The following MECOM variants were observed in gnomAD, a reference collection of about 807,000 sequenced individuals.
The protein encoded by MECOM is MDS1 and EVI1 complex locus.
MECOM carries 13 observed loss-of-function variants against 116.3 expected under a neutral mutation model. The observed-to-expected ratio is 0.11, with a 90% CI of 0.07 to 0.18. The LOEUF (loss-of-function observed/expected upper bound fraction) is 0.18. Among genes scored for constraint, MECOM ranks in the 10% least tolerant of loss-of-function variants. MECOM has a pLI of 1.00. For missense variants in MECOM, 1,299 were observed against 1,509.0 expected, an observed-to-expected ratio of 0.86 and a Z score of 2.31; for synonymous variants, 528 against 535.2, an observed-to-expected ratio of 0.99 and a Z score of 0.19.
At chr3:169,567,647 G>A (rs984113137) in intron 1 of MECOM, among the ~76,000 whole-genome samples, 6 of 152,106 alleles carry the variant, frequency 3.9e-5, no homozygotes, top group African/African-American at 1.4e-4. Flanking sequence ...TGATGATGAC[G>A]CAGTGGCTCA....
At chr3:169,143,410 T>C (rs1738721087) in intron 3 of MECOM, among the ~76,000 whole-genome samples, 2 of 152,096 alleles carry the variant, frequency 1.3e-5, no homozygotes, top group Admixed American at 6.5e-5. Context: ...AAAGAAAAAC[T>C]GAACGGTAGG....
At chr3:169,577,385 T>C (rs1764640037) in intron 1 of MECOM, among the ~76,000 whole-genome samples, 1 of 152,182 alleles carries the variant, frequency 6.6e-6, no homozygotes, top group Non-Finnish European at 1.5e-5. Flanking sequence ...AAAATGAGTT[T>C]ACACTAGCCA....
intron 2 of MECOM, among the ~76,000 whole-genome samples, chr3:169,199,879 C>T (rs1476396306): frequency 6.6e-6 from 1 of 152,006 alleles, no homozygotes; most frequent in Non-Finnish European, 1.5e-5. Context: ...GCCATGGAAA[C>T]TGTATACTTT....
At chr3:169,274,015 G>A (rs1473509315) in intron 2 of MECOM, among the ~76,000 whole-genome samples, 1 of 149,986 alleles carries the variant, frequency 6.7e-6, no homozygotes, top group African/African-American at 2.5e-5. Context: ...GGGTTCAAGT[G>A]AGTCTCCTGC....
chr3:169,313,661 T>G (rs1034094851), intron 2 of MECOM, among the ~76,000 whole-genome samples: 1 of 152,172 alleles, frequency 6.6e-6, no homozygotes, highest in Non-Finnish European at 1.5e-5. Flanking sequence ...TTAGTCTAGC[T>G]CCTCAGTGAA....
At chr3:169,367,275 G>C (rs1024460660) in intron 2 of MECOM, among the ~76,000 whole-genome samples, 1 of 151,996 alleles carries the variant, frequency 6.6e-6, no homozygotes, top group African/African-American at 2.4e-5. Flanking sequence ...AGGGATAGTG[G>C]ATTTAAGTTT....
chr3:169,315,240 G>A (rs1230082760), intron 2 of MECOM, among the ~76,000 whole-genome samples: 3 of 152,174 alleles, frequency 2.0e-5, no homozygotes, highest in Non-Finnish European at 4.4e-5. Flanking sequence ...AGGGCGGCAG[G>A]GGAGCCACCA....
chr3:169,519,346 T>G (rs1201325574), intron 1 of MECOM, among the ~76,000 whole-genome samples: 1 of 152,204 alleles, frequency 6.6e-6, no homozygotes, highest in African/African-American at 2.4e-5. Flanking sequence ...ATTTAACCCT[T>G]GAGACATTAA....
intron 2 of MECOM, among the ~76,000 whole-genome samples, chr3:169,169,243 C>T (rs1281082558): frequency 2.6e-5 from 4 of 151,998 alleles, no homozygotes; most frequent in African/African-American, 9.7e-5. Context: ...AAACACAATA[C>T]TTAATATCAT....
intron 1 of MECOM, among the ~76,000 whole-genome samples, chr3:169,382,257 C>T (rs1029024013): frequency 2.6e-5 from 4 of 152,084 alleles, no homozygotes; most frequent in Non-Finnish European, 2.9e-5. Flanking sequence ...ACCAAAAAGA[C>T]AGAGAATTTC....
chr3:169,343,568 C>CA (rs1269534588), intron 2 of MECOM, among the ~76,000 whole-genome samples: 1 of 152,084 alleles, frequency 6.6e-6, no homozygotes, highest in Non-Finnish European at 1.5e-5. Flanking sequence ...CTGGAGTCTA[C>CA]AAAACATTTT....
intron 2 of MECOM, among the ~76,000 whole-genome samples, chr3:169,207,265 G>T (rs927641856): frequency 6.6e-6 from 1 of 152,160 alleles, no homozygotes; most frequent in African/African-American, 2.4e-5. Context: ...GTTAAGAATA[G>T]TTCTCAATGT....
At chr3:169,441,404 C>T (rs552765798) in intron 1 of MECOM, among the ~76,000 whole-genome samples, 1 of 152,188 alleles carries the variant, frequency 6.6e-6, no homozygotes, top group South Asian at 2.1e-4. Context: ...AACTCTGTAC[C>T]AGTACAAGCC....
At chr3:169,145,181 CACACACACAGAGAG>C (rs1460746404) in intron 2 of MECOM, 4 of 189,298 alleles carry the variant, frequency 2.1e-5, no homozygotes, top group African/African-American at 1.8e-4. Context: ...CACACACACA[CACACACACAGAGAG>C]AAATCAAACT....
intron 1 of MECOM, among the ~76,000 whole-genome samples, chr3:169,461,120 G>A (rs1423530606): frequency 6.6e-6 from 1 of 152,072 alleles, no homozygotes; most frequent in Non-Finnish European, 1.5e-5. Flanking sequence ...CAAGAACAGG[G>A]TGTATTGATA....
chr3:169,376,218 T>C lies in MECOM; in HGVS notation c.375+4969A>G, dbSNP rs1363965676. On this transcript the variant is annotated intron_variant, in intron 2 of 16. Transcript: ENST00000651503. Reference sequence around the variant, plus strand: ...CTATTTATGATACACCCACAGCCAATATCATACTGAATGGGCAAAAGCTGG... The same window carrying C: ...CTATTTATGATACACCCACAGCCAACATCATACTGAATGGGCAAAAGCTGG... 2.0e-5 allele frequency among the ~76,000 whole-genome samples: 3 copies of C among 152,128 alleles called. No individual in the cohort carries two copies. In the East Asian group the frequency reaches 5.8e-4, roughly 29 times the overall value.
intron 1 of MECOM, among the ~76,000 whole-genome samples, chr3:169,655,219 A>C (rs1775397307): frequency 6.6e-6 from 1 of 151,940 alleles, no homozygotes; most frequent in African/African-American, 2.4e-5. Context: ...CATCCCCGCC[A>C]CTCCCTCTTG....
chr3:169,586,187 A>C (rs1397323117), intron 1 of MECOM, among the ~76,000 whole-genome samples: 1 of 152,272 alleles, frequency 6.6e-6, no homozygotes, highest in African/African-American at 2.4e-5. Flanking sequence ...GTAAAGTAGG[A>C]ATGAGAATAC....
intron 1 of MECOM, among the ~76,000 whole-genome samples, chr3:169,456,045 G>A (rs1746429330): frequency 6.6e-6 from 1 of 152,120 alleles, no homozygotes; most frequent in Non-Finnish European, 1.5e-5. Context: ...ACACTTAAAA[G>A]TGAGAGGATT....
Sources: allele counts gnomAD v4.1 joint callset (sites outside exome capture counted in the v4.1 genomes callset), GRCh38; gene constraint gnomAD v4.1.1; transcripts MANE v1.5; gene names NCBI Gene and HGNC (gene_info 2026-07-23, HGNC 2026-07-21).